The following LMNTD1 variants were observed in gnomAD, a reference collection of about 807,000 sequenced individuals.
LMNTD1 encodes the protein lamin tail domain-containing protein 1.
Under a neutral mutation model 50.9 loss-of-function variants are expected in LMNTD1, and 35 were observed. The ratio of observed to expected loss-of-function variants is 0.69; its 90% confidence interval spans 0.53 to 0.91. The LOEUF (loss-of-function observed/expected upper bound fraction) is 0.91, where lower values mean the gene tolerates loss of function less well. Among genes scored for constraint, LMNTD1 ranks in the 40% least tolerant of loss-of-function variants. The probability of loss-of-function intolerance (pLI) is 0.00; values close to 1 mark genes in which losing one functional copy is unlikely to be tolerated. For missense variants in LMNTD1, 470 were observed against 475.5 expected, an observed-to-expected ratio of 0.99 and a Z score of 0.11; for synonymous variants, 153 against 161.9, an observed-to-expected ratio of 0.94 and a Z score of 0.42.
intron 1 of LMNTD1, among the ~76,000 whole-genome samples, chr12:25,607,023 C>A (rs1323751780): frequency 1.3e-5 from 2 of 152,118 alleles, no homozygotes; most frequent in Non-Finnish European, 2.9e-5. Flanking sequence ...TGTTATTGGT[C>A]TATTCAGAGA....
At chr12:25,539,814 T>A in intron 4 of LMNTD1, among the ~76,000 whole-genome samples, 1 of 136,300 alleles carries the variant, frequency 7.3e-6, no homozygotes, top group African/African-American at 2.7e-5. Flanking sequence ...TCAACAAAAT[T>A]GATAGACCGC....
intron 1 of LMNTD1, among the ~76,000 whole-genome samples, chr12:25,576,961 T>C (rs1434409235): frequency 1.3e-5 from 2 of 152,198 alleles, no homozygotes; most frequent in Non-Finnish European, 2.9e-5. Flanking sequence ...CCTTTCCCCA[T>C]TGCTTGTTTT....
rs762425213 is a variant in LMNTD1 at position 25,546,575 on chromosome 12, A to G, written c.311-21T>C. 5 of 1,444,734 alleles carry G rather than the reference A, an allele frequency of 3.5e-6. No homozygotes were observed. The East Asian group carries it at 9.8e-5, about 28-fold the overall frequency. The allele number at this position is 1,444,734 out of a possible 1,614,324, so 89.5% of individuals were successfully genotyped here. The stretch of plus-strand genomic sequence containing the variant: ...GGCATCTTTCAAGTAGACAGAAGAA[A>G]GAAGTAACCAGGAAAGAAGTAAATA... On this transcript the variant is annotated intron_variant, in intron 3 of 9. Coordinates refer to ENST00000458174, the MANE Select transcript of LMNTD1 (RefSeq NM_001145728.2).
intron 1 of LMNTD1, among the ~76,000 whole-genome samples, chr12:25,637,804 A>C (rs898044981): frequency 1.3e-5 from 2 of 152,140 alleles, no homozygotes; most frequent in African/African-American, 4.8e-5. Flanking sequence ...AAAGATATAC[A>C]AATAGCCAAC....
intron 1 of LMNTD1, among the ~76,000 whole-genome samples, chr12:25,608,508 G>T (rs1444301660): frequency 2.0e-5 from 3 of 152,204 alleles, no homozygotes; most frequent in African/African-American, 7.2e-5. Flanking sequence ...CCCTTCAGGA[G>T]CTCTTGTAAG....
intron 1 of LMNTD1, among the ~76,000 whole-genome samples, chr12:25,644,313 CAAAAAAA>C (rs59091210): frequency 1.7e-3 from 138 of 82,090 alleles, no homozygotes; most frequent in African/African-American, 5.8e-3. Flanking sequence ...CCTTTCTCTA[CAAAAAAA>C]AAAAAAAAAA....
chr12:25,566,256 G>C (rs192960511), intron 1 of LMNTD1, among the ~76,000 whole-genome samples: 1 of 152,032 alleles, frequency 6.6e-6, no homozygotes, highest in African/African-American at 2.4e-5. Flanking sequence ...CTATTTTCTA[G>C]TTCCTATAAG....
intron 9 of LMNTD1, among the ~76,000 whole-genome samples, chr12:25,483,484 T>C (rs1239945533): frequency 1.3e-5 from 2 of 149,574 alleles, no homozygotes; most frequent in East Asian, 4.0e-4. Context: ...TAAGAATGAG[T>C]AGTTAGGCTG....
chr12:25,626,508 T>C (rs1946593214), intron 1 of LMNTD1, among the ~76,000 whole-genome samples: 1 of 152,196 alleles, frequency 6.6e-6, no homozygotes, highest in Non-Finnish European at 1.5e-5. Context: ...AGAGTAGGGA[T>C]TGTTATGACT....
At chr12:25,497,634 C>T (rs1242805299) in intron 9 of LMNTD1, 1 of 152,030 alleles carries the variant, frequency 6.6e-6, no homozygotes, top group East Asian at 1.9e-4. Flanking sequence ...CTCGTTGCTA[C>T]TAAAAATACA....
chr12:25,609,043 C>T (rs1202587343), intron 1 of LMNTD1, among the ~76,000 whole-genome samples: 1 of 152,092 alleles, frequency 6.6e-6, no homozygotes, highest in African/African-American at 2.4e-5. Context: ...TTTCTCTAAA[C>T]TTCTATTCTC....
intron 2 of LMNTD1, among the ~76,000 whole-genome samples, chr12:25,551,548 CCTG>C (rs1943745394): frequency 1.3e-5 from 2 of 152,160 alleles, no homozygotes; most frequent in South Asian, 4.1e-4. Flanking sequence ...TGGCACTATG[CCTG>C]CTAATTTTGA....
At chr12:25,534,632 G>A (rs1392028387) in intron 4 of LMNTD1, among the ~76,000 whole-genome samples, 2 of 152,144 alleles carry the variant, frequency 1.3e-5, no homozygotes, top group African/African-American at 2.4e-5. Flanking sequence ...ATCAGCACAT[G>A]TATTTGAGTA....
upstream of LMNTD1, among the ~76,000 whole-genome samples, chr12:25,554,095 G>A (rs988133524): frequency 4.6e-5 from 7 of 152,188 alleles, no homozygotes; most frequent in African/African-American, 1.4e-4. Context: ...ACGTTTGACC[G>A]TATTTCCTCC....
chr12:25,553,829 A>T (rs1292686884), upstream of LMNTD1, among the ~76,000 whole-genome samples: 4 of 152,206 alleles, frequency 2.6e-5, no homozygotes, highest in African/African-American at 9.6e-5. Context: ...ACATGATTAT[A>T]TACAGTAATA....
chr12:25,572,020 T>C (rs1397742011), intron 1 of LMNTD1, among the ~76,000 whole-genome samples: 2 of 152,154 alleles, frequency 1.3e-5, no homozygotes, highest in African/African-American at 4.8e-5. Flanking sequence ...GTGGCATGAA[T>C]GGAGACCAGA....
intron 1 of LMNTD1, among the ~76,000 whole-genome samples, chr12:25,567,256 T>C (rs1944592040): frequency 6.6e-6 from 1 of 152,216 alleles, no homozygotes; most frequent in Admixed American, 6.5e-5. Context: ...CATCTTTATT[T>C]TCTTGAAATT....
chr12:25,532,487 T>C (rs1942294082), intron 4 of LMNTD1, among the ~76,000 whole-genome samples: 1 of 152,104 alleles, frequency 6.6e-6, no homozygotes, highest in East Asian at 1.9e-4. Context: ...CTCAGTCTCT[T>C]AGTTGCGGCT....
At chr12:25,514,066 T>C (rs962734323) in intron 8 of LMNTD1, among the ~76,000 whole-genome samples, 2 of 152,116 alleles carry the variant, frequency 1.3e-5, no homozygotes, top group South Asian at 4.1e-4. Flanking sequence ...ATGATTCTTG[T>C]AAAGAGGAGT....
Sources: gnomAD v4.1 joint callset for allele counts (sites outside exome capture counted in the v4.1 genomes callset) on GRCh38, gnomAD v4.1.1 for gene constraint, MANE v1.5 for transcripts, NCBI Gene and HGNC (gene_info 2026-07-23, HGNC 2026-07-21) for gene names.